Variants in RPS6KC1 observed in about 807,000 individuals in gnomAD.
RPS6KC1 encodes the protein inactive ribosomal protein S6 kinase delta-1.
Under a neutral mutation model 103.8 loss-of-function variants are expected in RPS6KC1, and 54 were observed. The ratio of observed to expected loss-of-function variants is 0.52; its 90% CI spans 0.42 to 0.65. The LOEUF (loss-of-function observed/expected upper bound fraction) is 0.65. Among genes scored for constraint, RPS6KC1 ranks in the 30% least tolerant of loss-of-function variants. The probability of loss-of-function intolerance (pLI) is 0.00; values close to 1 mark genes in which losing one functional copy is unlikely to be tolerated. For missense variants in RPS6KC1, 1,151 were observed against 1,253.8 expected, an observed-to-expected ratio of 0.92 and a Z score of 1.24; for synonymous variants, 439 against 438.7, an observed-to-expected ratio of 1.00 and a Z score of -0.01.
At chr1:213,834,846 C>A in the RPS6KC1 span, among the ~76,000 whole-genome samples, 1 of 152,138 alleles carries the variant, frequency 6.6e-6, no homozygotes, top group Non-Finnish European at 1.5e-5. Context: ...TTCACTGAGA[C>A]CATCCAGGGA....
chr1:213,694,634 C>T, the RPS6KC1 span, among the ~76,000 whole-genome samples: 3 of 152,174 alleles, frequency 2.0e-5, no homozygotes, highest in Non-Finnish European at 4.4e-5. Context: ...CTGTTTCTTG[C>T]AACACCCAGT....
chr1:213,786,786 A>G, the RPS6KC1 span, among the ~76,000 whole-genome samples: 11 of 152,156 alleles, frequency 7.2e-5, no homozygotes, highest in Non-Finnish European at 1.5e-4. Context: ...TGGCCTCACA[A>G]CCTTCTAAAA....
chr1:213,080,601 C>T (rs1039611825), intron 3 of RPS6KC1, among the ~76,000 whole-genome samples: 12 of 152,116 alleles, frequency 7.9e-5, no homozygotes, highest in Non-Finnish European at 1.5e-4. Flanking sequence ...GAGACAGAGT[C>T]TCACTCTGTC....
chr1:213,193,301 C>T (rs2092819069), intron 8 of RPS6KC1, among the ~76,000 whole-genome samples: 1 of 152,082 alleles, frequency 6.6e-6, no homozygotes, highest in African/African-American at 2.4e-5. Context: ...CTCTGTTGCC[C>T]AGGCAGCAGT....
chr1:213,207,003 C>G (rs1051697328), intron 8 of RPS6KC1, among the ~76,000 whole-genome samples: 1 of 152,066 alleles, frequency 6.6e-6, no homozygotes, highest in African/African-American at 2.4e-5. Flanking sequence ...CCCAGCTACT[C>G]GGCAGGCTGA....
chr1:213,127,697 A>C (rs908563586), intron 5 of RPS6KC1, among the ~76,000 whole-genome samples: 1 of 152,232 alleles, frequency 6.6e-6, no homozygotes, highest in Non-Finnish European at 1.5e-5. Context: ...TGGAGTTTTC[A>C]ATTCAAAATT....
At chr1:213,087,944 C>T (rs1371033330) in intron 3 of RPS6KC1, among the ~76,000 whole-genome samples, 1 of 152,092 alleles carries the variant, frequency 6.6e-6, no homozygotes, top group African/African-American at 2.4e-5. Flanking sequence ...CTCCTAATAA[C>T]CCCCTCTCCT....
At chr1:213,626,059 G>A in the RPS6KC1 span, among the ~76,000 whole-genome samples, 1 of 152,180 alleles carries the variant, frequency 6.6e-6, no homozygotes, top group Non-Finnish European at 1.5e-5. Context: ...GTGTAAAAGT[G>A]TTCCTATTTC....
the RPS6KC1 span, among the ~76,000 whole-genome samples, chr1:213,542,393 A>G: frequency 6.6e-6 from 1 of 152,248 alleles, no homozygotes; most frequent in Non-Finnish European, 1.5e-5. Flanking sequence ...GAACAAGGAC[A>G]GAGCCAGTGT....
the RPS6KC1 span, among the ~76,000 whole-genome samples, chr1:213,432,654 T>C: frequency 8.5e-5 from 13 of 152,148 alleles, no homozygotes; most frequent in African/African-American, 3.1e-4. Flanking sequence ...GCCCCCCATC[T>C]TTAGGCAGCC....
At chr1:213,408,251 C>T in the RPS6KC1 span, among the ~76,000 whole-genome samples, 2 of 152,188 alleles carry the variant, frequency 1.3e-5, no homozygotes, top group Admixed American at 6.5e-5. Flanking sequence ...AAATGGTGCT[C>T]TTGTGTAGCT....
chr1:213,781,949 A>G, the RPS6KC1 span, among the ~76,000 whole-genome samples: 3 of 152,190 alleles, frequency 2.0e-5, no homozygotes, highest in Non-Finnish European at 2.9e-5. Flanking sequence ...TCACCTTGCT[A>G]TATTTACACA....
chr1:213,349,923 G>T, the RPS6KC1 span, among the ~76,000 whole-genome samples: 1 of 152,242 alleles, frequency 6.6e-6, no homozygotes, highest in South Asian at 2.1e-4. Context: ...CAACATTTAT[G>T]CTGTGTGTCA....
At chr1:213,678,570 C>T in the RPS6KC1 span, among the ~76,000 whole-genome samples, 1 of 152,232 alleles carries the variant, frequency 6.6e-6, no homozygotes, top group African/African-American at 2.4e-5. Context: ...CCACACCTGG[C>T]TGATCATAAG....
the RPS6KC1 span, among the ~76,000 whole-genome samples, chr1:213,802,700 C>T: frequency 6.6e-6 from 1 of 152,310 alleles, no homozygotes; most frequent in East Asian, 1.9e-4. Context: ...ATCCTAAGGA[C>T]ATTTCTTTAT....
the RPS6KC1 span, among the ~76,000 whole-genome samples, chr1:213,733,303 G>A: frequency 9.3e-5 from 14 of 151,330 alleles, 1 homozygote; most frequent in East Asian, 2.0e-3. Context: ...ACAGTGGTGC[G>A]AACATGGCTC....
intron 6 of RPS6KC1, among the ~76,000 whole-genome samples, chr1:213,158,796 T>G (rs2090176549): frequency 6.6e-6 from 1 of 152,174 alleles, no homozygotes; most frequent in Admixed American, 6.5e-5. Flanking sequence ...CCTCCTTTTT[T>G]AAGGAAGAGA....
the RPS6KC1 span, among the ~76,000 whole-genome samples, chr1:213,400,008 G>T: frequency 6.6e-6 from 1 of 152,198 alleles, no homozygotes; most frequent in African/African-American, 2.4e-5. Flanking sequence ...GGCCGAGGAG[G>T]GCTGGGCGCC....
chr1:213,449,331 G>C, the RPS6KC1 span, among the ~76,000 whole-genome samples: 1 of 152,326 alleles, frequency 6.6e-6, no homozygotes, highest in Non-Finnish European at 1.5e-5. Context: ...CACAGACTGG[G>C]TGGCTTAAAC....
Sources: allele counts gnomAD v4.1 joint callset (sites outside exome capture counted in the v4.1 genomes callset), GRCh38; gene constraint gnomAD v4.1.1; transcripts MANE v1.5; gene names NCBI Gene and HGNC (gene_info 2026-07-23, HGNC 2026-07-21).